RIF1: variants seen among roughly 807,000 people sequenced by gnomAD.
RIF1 encodes the protein replication timing regulatory factor 1.
Under a neutral mutation model 247.1 loss-of-function variants are expected in RIF1, and 45 were observed. The observed-to-expected ratio is 0.18, with a 90% CI of 0.14 to 0.23. The LOEUF is 0.23. RIF1 is among the 10% of genes least tolerant of loss of function. RIF1 has a pLI of 1.00. For synonymous variants in RIF1, 1,087 were observed against 978.8 expected (o/e 1.11, Z -2.06); for missense variants, 2,967 against 2,862.5 (o/e 1.04, Z -0.83).
rs749698731 is a variant in RIF1 at position 151,465,867 on chromosome 2, C to T, written c.6347C>T (p.Thr2116Ile). The change falls in exon 30 of 36, where the codon ACT (threonine) becomes ATT (isoleucine). Residue 2116 changes from threonine to isoleucine, a missense_variant. Thr to Ile is a moderately conservative substitution (Grantham distance 89). Around this residue, in one of 7 missense-constraint regions of RIF1, gnomAD observed 2,028 missense variants for 1,825.6 expected, o/e 1.11. Transcript: ENST00000444746. ...GATATTTTACAGGAAGATCACCATA[C>T]TTCACAGAAAGTGGAGGAACCATCA... is the stretch of plus-strand genomic sequence containing the variant. ...ESDILQEDHHTSQKVEEPSQC... is the reference protein window; with the variant it reads ...ESDILQEDHHISQKVEEPSQC... The T allele has an allele frequency of 1.9e-6, 3 of 1,613,300 alleles. No individual in the cohort carries two copies. Among genetic ancestry groups the T allele is most frequent in the Non-Finnish European group, 1.7e-6 (2 of 1,179,338 alleles).
In RIF1 at chr2:151,491,671, C is replaced by T. The variant is rs4414676; in HGVS notation, c.*416-3558C>T. ...TGATGTTTATGTTGTAAGCCTTTTT[C>T]AGCTAACACACCATTAATCATGTGT... On this transcript the variant is annotated intron_variant and NMD_transcript_variant, in intron 9 of 13. Coordinates refer to the RIF1 transcript ENST00000454583. 0.013 allele frequency: 20,390 copies of T among 1,565,382 alleles called. 2,221 individuals carry two copies. The African/African-American group carries it at 0.24, about 18-fold the overall frequency.
chr2:151,445,542 C>G (rs1693109688), intron 19 of RIF1, 97 bp downstream of exon 19: 2 of 727,938 alleles, frequency 2.7e-6, no homozygotes, highest in South Asian at 1.6e-5. Context: ...ATTTGTTTTT[C>G]TTTTTCTTTT....
At chr2:151,444,058 C>T (rs897518717) in intron 18 of RIF1, among the ~76,000 whole-genome samples, 2 of 152,162 alleles carry the variant, frequency 1.3e-5, no homozygotes, top group African/African-American at 4.8e-5. Context: ...AGTTAAGCCA[C>T]GTTGGTGATT....
intron 30 of RIF1, among the ~76,000 whole-genome samples, chr2:151,466,574 T>C (rs1216176425): frequency 6.6e-6 from 1 of 152,204 alleles, no homozygotes. Context: ...TGTGCCTTCA[T>C]CAACTTGTAG....
intron 9 of RIF1, chr2:151,493,956 A>C (rs1467904195): frequency 3.1e-6 from 3 of 974,322 alleles, no homozygotes; most frequent in Admixed American, 5.4e-5. Flanking sequence ...TGTTATGTTT[A>C]ATCTATTACT....
At chr2:151,443,469 A>G (rs1574022444) in intron 17 of RIF1, 60 bp from the exon 18 acceptor site, 2 of 1,449,414 alleles carry the variant, frequency 1.4e-6, no homozygotes, top group East Asian at 4.6e-5. Context: ...AATTTTGTTA[A>G]CATTAAATTA....
Position 151,461,129 on chromosome 2 carries a change from A to T in RIF1, c.3076-9A>T, listed in dbSNP as rs758961960. Reference sequence around the variant, plus strand: ...AAATGTACATTTGCTTATTTTTTCAAATCTGCAGCTGAAACTTGAATCTTC... The same window carrying T: ...AAATGTACATTTGCTTATTTTTTCATATCTGCAGCTGAAACTTGAATCTTC... On this transcript the variant is annotated splice_polypyrimidine_tract_variant and intron_variant, in intron 26 of 35. Transcript: ENST00000444746. 6.3e-7 allele frequency: 1 copy of T among 1,598,444 alleles called. No individual in the cohort carries two copies. The highest frequency in any genetic ancestry group is 2.2e-5 in the East Asian group (1 of 44,730).
the RIF1 span, chr2:151,534,298 C>G: frequency 1.9e-6 from 3 of 1,613,458 alleles, no homozygotes; most frequent in African/African-American, 1.3e-5. Context: ...TTCCGCTGCT[C>G]ATAATCAGCT....
the RIF1 span, among the ~76,000 whole-genome samples, chr2:151,525,625 T>A: frequency 1.3e-5 from 2 of 152,148 alleles, no homozygotes; most frequent in Non-Finnish European, 2.9e-5. Context: ...CCCAAAGAGG[T>A]AGTTTTACCT....
intron 8 of RIF1, among the ~76,000 whole-genome samples, chr2:151,427,957 T>C (rs1249546171): frequency 6.6e-6 from 1 of 152,158 alleles, no homozygotes; most frequent in Non-Finnish European, 1.5e-5. Flanking sequence ...CTTGGGAGGC[T>C]GAGGCAGGAG....
At chr2:151,519,694 G>A in the RIF1 span, 1 of 1,612,898 alleles carries the variant, frequency 6.2e-7, no homozygotes, top group Non-Finnish European at 8.5e-7. Flanking sequence ...TCATGACTTT[G>A]TAGAGCTGGC....
In RIF1 at chr2:151,465,062, T is replaced by C. The variant is rs1696700986; in HGVS notation, c.5542T>C (p.Ser1848Pro). ...TGATATGGATTCTAGTGAAGCAATG[T>C]CTCTTGAAAGCCAGGAGTCACCTAA... is the stretch of plus-strand genomic sequence containing the variant. Reference protein sequence around the residue: ...ICDMDSSEAMSLESQESPNEN... With the variant: ...ICDMDSSEAMPLESQESPNEN... Residue 1848 changes from serine to proline, a missense_variant, in exon 30 of 36, where the codon TCT (serine) becomes CCT (proline). Physicochemically the swap from Ser to Pro is moderately conservative, Grantham distance 74. Transcript: ENST00000444746. 6.3e-7 allele frequency: 1 copy of C among 1,593,174 alleles called. No individual in the cohort carries two copies. The highest frequency in any genetic ancestry group is 8.5e-7 in the Non-Finnish European group (1 of 1,174,864).
At position 151,476,982 on chromosome 2, in the gene RIF1, G is replaced by A. The variant is rs371868746; in HGVS notation, c.*1911G>A. Reference sequence around the variant, plus strand: ...AATGAAATTCTTGGGAAGCCGAACAGTAATAGCAGAAAATGTGACCAAATG... The same window carrying A: ...AATGAAATTCTTGGGAAGCCGAACAATAATAGCAGAAAATGTGACCAAATG... On this transcript the variant is annotated 3_prime_UTR_variant, in exon 36 of 36. Transcript: ENST00000444746. 1.3e-5 allele frequency: 2 copies of A among 152,282 alleles called. No homozygotes were observed. Among genetic ancestry groups the A allele is most frequent in the African/African-American group, 4.8e-5 (2 of 41,558 alleles). The allele number at this position is 152,282 out of a possible 1,614,324, so 9.4% of individuals were successfully genotyped here.
chr2:151,425,245 T>A (rs1483581934), intron 8 of RIF1, among the ~76,000 whole-genome samples: 1 of 152,158 alleles, frequency 6.6e-6, no homozygotes, highest in Non-Finnish European at 1.5e-5. Context: ...TTGAGTAGGT[T>A]TGAATTTTTG....
chr2:151,459,930 A>G, intron 25 of RIF1, 70 bp from the exon 26 acceptor site: 1 of 1,270,588 alleles, frequency 7.9e-7, no homozygotes, highest in Non-Finnish European at 1.1e-6. Context: ...AGGAATTTTC[A>G]AAACGTGAAA....
chr2:151,491,897 G>C (rs2056897257), intron 9 of RIF1: 1 of 988,862 alleles, frequency 1.0e-6, no homozygotes, highest in Non-Finnish European at 1.5e-6. Context: ...CTTAGGTTCT[G>C]GGTCATGTCT....
rs372117694 is a variant in RIF1 at position 151,503,372 on chromosome 2, G to A, written c.*861+187G>A. ...ACCGAGCTAAAGTTCTCTTGATTGC[G>A]TTTGACTCTCTCAATCTCTGGAGTC... On this transcript the variant is annotated intron_variant and NMD_transcript_variant, in intron 12 of 13. Transcript: ENST00000454583. The A allele has an allele frequency of 1.3e-4, 205 of 1,611,682 alleles. 1 individual carries two copies. Among genetic ancestry groups the A allele is most frequent in the South Asian group, 1.9e-4 (17 of 90,922 alleles).
Position 151,465,676 on chromosome 2 carries a change from T to G in RIF1, c.6156T>G (p.Asp2052Glu). The G allele has an allele frequency of 6.2e-7, 1 of 1,614,152 alleles. No homozygotes were observed. The highest frequency in any genetic ancestry group is 8.5e-7 in the Non-Finnish European group (1 of 1,180,032). Residue 2052 changes from aspartate (D) to glutamate (E), a missense_variant, in exon 30 of 36, where the codon GAT becomes GAG. Physicochemically the swap from Asp to Glu is conservative, Grantham distance 45. Coordinates refer to ENST00000444746, the MANE Select transcript of RIF1 (RefSeq NM_018151.5). ...TAACTACCAAAACCTCAAAGCCTGA[T>G]GAAGCTGAAACAAACATGTTGACTG... is the stretch of plus-strand genomic sequence containing the variant. The part of the protein sequence containing the change: ...EGITTKTSKP[D>E]EAETNMLTAE...
chr2:151,421,259 G>C (rs1284898412), intron 7 of RIF1, among the ~76,000 whole-genome samples: 1 of 152,206 alleles, frequency 6.6e-6, no homozygotes, highest in Non-Finnish European at 1.5e-5. Context: ...AGAAGAGCAA[G>C]GACCGGAGAG....
Sources: allele counts gnomAD v4.1 joint callset (sites outside exome capture counted in the v4.1 genomes callset), GRCh38; gene constraint gnomAD v4.1.1; regional missense constraint gnomAD v4.1.1; transcripts MANE v1.5; gene names NCBI Gene and HGNC (gene_info 2026-07-23, HGNC 2026-07-21).